UBE2L3: variants seen among roughly 807,000 people sequenced by gnomAD.
UBE2L3 encodes the protein ubiquitin conjugating enzyme E2 L3.
UBE2L3 carries 1 observed loss-of-function variant against 17.8 expected under a neutral mutation model. That is an observed-to-expected ratio of 0.06 (90% confidence interval 0.02 to 0.27). The LOEUF (loss-of-function observed/expected upper bound fraction) is 0.27, where lower values mean the gene tolerates loss of function less well. UBE2L3 is among the 10% of genes least tolerant of loss of function. The pLI is 1.00. For missense variants in UBE2L3, 40 were observed against 192.6 expected (o/e 0.21, Z 4.69); for synonymous variants, 44 against 68.5 (o/e 0.64, Z 1.76).
intron 3 of UBE2L3, among the ~76,000 whole-genome samples, chr22:21,613,468 T>G (rs187022794): frequency 2.1e-4 from 32 of 152,304 alleles, no homozygotes; most frequent in African/African-American, 7.7e-4. Flanking sequence ...GGAATTGCTA[T>G]TTTGTGATTT....
intron 1 of UBE2L3, among the ~76,000 whole-genome samples, chr22:21,571,131 G>A (rs992648517): frequency 1.3e-5 from 2 of 152,202 alleles, no homozygotes; most frequent in Non-Finnish European, 2.9e-5. Flanking sequence ...AAAACATTAA[G>A]TACATTTTAA....
intron 1 of UBE2L3, among the ~76,000 whole-genome samples, chr22:21,589,173 TCTCGCTC>T (rs1928119412): frequency 7.8e-6 from 1 of 128,938 alleles, no homozygotes; most frequent in Non-Finnish European, 1.6e-5. Flanking sequence ...TGAGACGGAG[TCTCGCTC>T]TGTCACCCAG....
chr22:21,621,516 A>G lies in UBE2L3; in HGVS notation c.312A>G (p.Val104=). The G allele has an allele frequency of 6.2e-7, 1 of 1,606,042 alleles. No individual in the cohort carries two copies. The highest frequency in any genetic ancestry group is 1.3e-5 in the African/African-American group (1 of 74,602). ...NWKPATKTDQ[V]IQSLIALVND... Reference sequence around the variant, plus strand: ...CATGCCTTGTCCTTCTCTTGGCAGTAATCCAGTCCCTCATAGCACTGGTGA... The same window carrying G: ...CATGCCTTGTCCTTCTCTTGGCAGTGATCCAGTCCCTCATAGCACTGGTGA... The change falls in exon 4 of 4, where the codon GTA becomes GTG. Residue 104 remains valine, a splice_region_variant and synonymous_variant. Transcript: ENST00000342192.
chr22:21,558,617 G>A (rs1168282423), intron 1 of UBE2L3, among the ~76,000 whole-genome samples: 2 of 143,762 alleles, frequency 1.4e-5, no homozygotes, highest in Admixed American at 7.0e-5. Flanking sequence ...GCGACAAAGT[G>A]AGACTCTGTC....
At chr22:21,614,435 AAAAAAG>A in intron 3 of UBE2L3, 1 of 546,700 alleles carries the variant, frequency 1.8e-6, no homozygotes, top group Non-Finnish European at 3.1e-6. Context: ...ACCAAAAAAA[AAAAAAG>A]AAAGAAAGAA....
At chr22:21,590,113 C>T (rs889698218) in intron 1 of UBE2L3, among the ~76,000 whole-genome samples, 1 of 152,200 alleles carries the variant, frequency 6.6e-6, no homozygotes, top group Admixed American at 6.5e-5. Context: ...TTTTCACTCT[C>T]ATGTTACAGT....
At chr22:21,599,925 C>T (rs140564660) in intron 2 of UBE2L3, among the ~76,000 whole-genome samples, 2 of 152,204 alleles carry the variant, frequency 1.3e-5, no homozygotes, top group East Asian at 3.9e-4. Context: ...TTGTCAAATT[C>T]GGTTAATGGA....
chr22:21,620,238 A>G (rs1324132551), intron 3 of UBE2L3, among the ~76,000 whole-genome samples: 1 of 151,808 alleles, frequency 6.6e-6, no homozygotes, highest in Non-Finnish European at 1.5e-5. Flanking sequence ...GTGAGCTGTG[A>G]TTGCACCACT....
intron 3 of UBE2L3, 24 bp from the exon 4 acceptor site, chr22:21,621,491 C>T (rs368231313): frequency 1.3e-6 from 2 of 1,592,174 alleles, no homozygotes; most frequent in African/African-American, 2.7e-5. Flanking sequence ...GTTAACCCCC[C>T]ATGCCTTGTC....
At chr22:21,559,839 A>C (rs1276070209) in intron 1 of UBE2L3, among the ~76,000 whole-genome samples, 1 of 152,292 alleles carries the variant, frequency 6.6e-6, no homozygotes, top group Non-Finnish European at 1.5e-5. Flanking sequence ...TCACCTGGCC[A>C]GACCCTAACC....
In UBE2L3 at chr22:21,598,541, CTTT is replaced by C. The variant is rs60333124; in HGVS notation, c.123+5601_123+5603del. ...CCCTTTCCTTCTCCCTTTCCCTTTC[CTTT>C]TTTTTTTTTTTTTTTAAATAAATAG... On this transcript the variant is annotated intron_variant, in intron 2 of 3. Coordinates refer to ENST00000342192, the MANE Select transcript of UBE2L3 (RefSeq NM_003347.4). Among the ~76,000 whole-genome samples the C allele has an allele frequency of 1.7e-3, 221 of 129,072 alleles. 2 individuals carry two copies. The highest frequency in any genetic ancestry group is 5.9e-3 in the African/African-American group (210 of 35,314). The allele number at this position is 129,072 out of a possible 152,430, so 84.7% of individuals were successfully genotyped here.
chr22:21,588,884 G>A lies in UBE2L3; in HGVS notation c.28-3977G>A, dbSNP rs1440442747. ...TCACCATCTTGGCCAGGCTGGTCTT[G>A]AACTCCTGACCTCGTGATCTACCTG... On this transcript the variant is annotated intron_variant, in intron 1 of 3. Transcript: ENST00000342192. Among the ~76,000 whole-genome samples the A allele has an allele frequency of 3.3e-5, 5 of 152,026 alleles. No individual in the cohort carries two copies. In the East Asian group the frequency reaches 9.7e-4, roughly 30 times the overall value.
chr22:21,620,425 TA>T (rs1049340684), intron 3 of UBE2L3, among the ~76,000 whole-genome samples: 11 of 151,800 alleles, frequency 7.2e-5, no homozygotes, highest in African/African-American at 2.2e-4. Flanking sequence ...CAAGACTGTC[TA>T]AAAAAAATAA....
chr22:21,569,769 C>G (rs1232376699), intron 1 of UBE2L3, among the ~76,000 whole-genome samples: 1 of 152,200 alleles, frequency 6.6e-6, no homozygotes, highest in African/African-American at 2.4e-5. Context: ...TATGCATGAT[C>G]ATGTTTAATC....
chr22:21,582,586 C>T (rs890856485), intron 1 of UBE2L3, among the ~76,000 whole-genome samples: 5 of 151,768 alleles, frequency 3.3e-5, no homozygotes, highest in East Asian at 3.9e-4. Context: ...AGTGCAATGG[C>T]GCGATCTCGG....
intron 2 of UBE2L3, 104 bp from the exon 3 acceptor site, chr22:21,610,753 C>T: frequency 7.8e-7 from 1 of 1,281,716 alleles, no homozygotes; most frequent in Non-Finnish European, 1.0e-6. Flanking sequence ...TACTTGAATC[C>T]CTTGAAATAA....
intron 1 of UBE2L3, among the ~76,000 whole-genome samples, chr22:21,580,677 C>T (rs5998564): frequency 2.0e-4 from 30 of 151,938 alleles, no homozygotes; most frequent in African/African-American, 7.2e-4. Context: ...GTCTCGAACT[C>T]CTGACCTTGT....
chr22:21,592,195 T>C (rs1928300551), intron 1 of UBE2L3, among the ~76,000 whole-genome samples: 1 of 152,112 alleles, frequency 6.6e-6, no homozygotes, highest in South Asian at 2.1e-4. Flanking sequence ...TGGCTTCCCT[T>C]TCCTTTTCTG....
chr22:21,603,018 C>T (rs952612785), intron 2 of UBE2L3, among the ~76,000 whole-genome samples: 2 of 151,992 alleles, frequency 1.3e-5, no homozygotes, highest in Non-Finnish European at 2.9e-5. Context: ...CCAGGAGGGG[C>T]GGAATATGGG....
Sources: gnomAD v4.1 joint callset for allele counts (sites outside exome capture counted in the v4.1 genomes callset) on GRCh38, gnomAD v4.1.1 for gene constraint, MANE v1.5 for transcripts, NCBI Gene and HGNC (gene_info 2026-07-23, HGNC 2026-07-21) for gene names.